Variants in CERT1 observed in about 807,000 individuals in gnomAD.
CERT1 encodes the protein ceramide transporter 1.
Under a neutral mutation model 87.9 loss-of-function variants are expected in CERT1, and 31 were observed. The ratio of observed to expected loss-of-function variants is 0.35; its 90% CI spans 0.27 to 0.48. CERT1 has a LOEUF of 0.48. Among genes scored for constraint, CERT1 ranks in the 20% least tolerant of loss-of-function variants. The pLI is 0.99. For synonymous variants in CERT1, 289 were observed against 250.9 expected, an observed-to-expected ratio of 1.15 and a Z score of -1.44; for missense variants, 487 against 758.0, an observed-to-expected ratio of 0.64 and a Z score of 4.20.
At chr5:75,421,554 A>G (rs1763379149) in intron 5 of CERT1, among the ~76,000 whole-genome samples, 1 of 152,216 alleles carries the variant, frequency 6.6e-6, no homozygotes, top group South Asian at 2.1e-4. Context: ...ACCAGTGAAA[A>G]TACAAAGATG....
chr5:75,510,802 C>T (rs1767922881), intron 1 of CERT1, among the ~76,000 whole-genome samples: 1 of 152,134 alleles, frequency 6.6e-6, no homozygotes, highest in Non-Finnish European at 1.5e-5. Context: ...ACCGCTGAAG[C>T]CCAACCCGGA....
At chr5:75,393,602 TAAAAAAAAA>T (rs60898983) in intron 11 of CERT1, among the ~76,000 whole-genome samples, 1 of 32,754 alleles carries the variant, frequency 3.1e-5, no homozygotes, top group East Asian at 1.1e-3. Context: ...CTCATCTACT[TAAAAAAAAA>T]AAAAAAAAAA....
In CERT1 at chr5:75,461,478, G is replaced by T. The variant is rs920102592; in HGVS notation, c.232-2297C>A. Among the ~76,000 whole-genome samples the T allele has an allele frequency of 1.2e-4, 18 of 151,946 alleles. 1 individual carries two copies. Among genetic ancestry groups the T allele is most frequent in the Admixed American group, 1.2e-3 (18 of 15,258 alleles). On this transcript the variant is annotated intron_variant, in intron 2 of 16. Coordinates refer to ENST00000643780, the MANE Select transcript of CERT1 (RefSeq NM_001379029.1). ...AAAGATTGGGAAATGCTAATCTAAA[G>T]AACCAAATAAAGTAAAGCAGATGAT...
At chr5:75,438,718 C>T (rs1239545439) in intron 3 of CERT1, among the ~76,000 whole-genome samples, 1 of 151,846 alleles carries the variant, frequency 6.6e-6, no homozygotes, top group African/African-American at 2.4e-5. Flanking sequence ...CTTTAAGATC[C>T]CTCATACAAA....
In CERT1 at chr5:75,458,111, C is replaced by T. The variant is rs149877905; in HGVS notation, c.348+954G>A. ...AGCAAAACTTCTCTTAAGTCATACT[C>T]AAGAATGACATGGTGGATTTAGAAC... On this transcript the variant is annotated intron_variant, in intron 3 of 16. Coordinates refer to ENST00000643780, the MANE Select transcript of CERT1 (RefSeq NM_001379029.1). 1.4e-3 allele frequency among the ~76,000 whole-genome samples: 212 copies of T among 152,086 alleles called. 1 individual carries two copies. Among genetic ancestry groups the T allele is most frequent in the African/African-American group, 4.2e-3 (176 of 41,496 alleles).
intron 2 of CERT1, 63 bp downstream of exon 2, chr5:75,505,919 A>G: frequency 7.7e-7 from 1 of 1,305,654 alleles, no homozygotes; most frequent in Non-Finnish European, 1.1e-6. Context: ...CACGTAGAAC[A>G]GTTCCTGGTA....
At chr5:75,474,686 C>T (rs1765879677) in intron 2 of CERT1, among the ~76,000 whole-genome samples, 1 of 151,994 alleles carries the variant, frequency 6.6e-6, no homozygotes, top group Non-Finnish European at 1.5e-5. Context: ...TATCCACATG[C>T]AGAACAATGA....
intron 3 of CERT1, among the ~76,000 whole-genome samples, chr5:75,441,651 AAT>A (rs1303072573): frequency 2.6e-5 from 4 of 152,200 alleles, no homozygotes; most frequent in African/African-American, 9.6e-5. Context: ...CTATGCACCC[AAT>A]ATGAGTGGAA....
intron 3 of CERT1, among the ~76,000 whole-genome samples, chr5:75,429,704 T>A (rs1366969056): frequency 6.6e-6 from 1 of 151,466 alleles, no homozygotes; most frequent in Admixed American, 6.6e-5. Flanking sequence ...AGCAAGTAAA[T>A]CAAAAATAGC....
chr5:75,495,339 T>C (rs545249167), intron 2 of CERT1, among the ~76,000 whole-genome samples: 18 of 152,244 alleles, frequency 1.2e-4, no homozygotes, highest in African/African-American at 4.3e-4. Context: ...GGCAAATTGC[T>C]TGAGTCTAGA....
chr5:75,510,705 C>T (rs771532160), intron 1 of CERT1, among the ~76,000 whole-genome samples: 14 of 152,124 alleles, frequency 9.2e-5, no homozygotes, highest in South Asian at 4.1e-4. Flanking sequence ...GCAGTGCCCC[C>T]CAACCTACTC....
At position 75,511,327 on chromosome 5, in the gene CERT1, T is replaced by G; in HGVS notation, c.-120A>C. 6.5e-7 allele frequency: 1 copy of G among 1,544,726 alleles called. No homozygotes were observed. The highest frequency in any genetic ancestry group is 8.7e-7 in the Non-Finnish European group (1 of 1,145,872). ...GAAGCGAAGAGTGCCCGCTCCGGTGTGGGGGGGAGCAGGAGGAGGGACGAA... is the reference window on the plus strand; with the variant it reads ...GAAGCGAAGAGTGCCCGCTCCGGTGGGGGGGGGAGCAGGAGGAGGGACGAA... On this transcript the variant is annotated 5_prime_UTR_variant, in exon 1 of 17. Coordinates refer to ENST00000643780, the MANE Select transcript of CERT1 (RefSeq NM_001379029.1).
At chr5:75,503,902 AAATG>A (rs1767524386) in intron 2 of CERT1, among the ~76,000 whole-genome samples, 1 of 26,222 alleles carries the variant, frequency 3.8e-5, no homozygotes, top group Non-Finnish European at 8.0e-5. Context: ...CATTTAAATT[AAATG>A]TTTAATTTAA....
chr5:75,494,867 A>G lies in CERT1; in HGVS notation c.231+11115T>C, dbSNP rs547072629. Among the ~76,000 whole-genome samples the G allele has an allele frequency of 1.7e-3, 261 of 152,354 alleles. 5 individuals carry two copies. The highest frequency in any genetic ancestry group is 6.0e-3 in the African/African-American group (251 of 41,576). On this transcript the variant is annotated intron_variant, in intron 2 of 16. Transcript: ENST00000643780. ...AGCCCCATTTCTTTTCTTCATAAGAAGATAAAGTAGATGTACCTTTACCTG... is the reference window on the plus strand; with the variant it reads ...AGCCCCATTTCTTTTCTTCATAAGAGGATAAAGTAGATGTACCTTTACCTG...
chr5:75,432,539 C>T (rs1440658304), intron 3 of CERT1, among the ~76,000 whole-genome samples: 2 of 152,202 alleles, frequency 1.3e-5, no homozygotes, highest in Non-Finnish European at 1.5e-5. Context: ...ATGTCCTTTG[C>T]CCATCGTTTA....
intron 3 of CERT1, among the ~76,000 whole-genome samples, chr5:75,446,729 G>C (rs1764553207): frequency 6.6e-6 from 1 of 152,138 alleles, no homozygotes; most frequent in Non-Finnish European, 1.5e-5. Flanking sequence ...GAAAGGTAAG[G>C]TCTTCTTCGG....
At chr5:75,400,540 T>C (rs1344767656) in intron 9 of CERT1, 2 of 401,948 alleles carry the variant, frequency 5.0e-6, no homozygotes, top group African/African-American at 4.1e-5. Context: ...AGTTCGTTGA[T>C]TTTGCTCCTA....
At chr5:75,483,871 G>A (rs910543600) in intron 2 of CERT1, among the ~76,000 whole-genome samples, 2 of 151,388 alleles carry the variant, frequency 1.3e-5, no homozygotes, top group African/African-American at 4.8e-5. Context: ...AGACATTAAC[G>A]AGCAATAAGA....
chr5:75,387,021 C>A (rs1405769157), intron 12 of CERT1, among the ~76,000 whole-genome samples: 1 of 152,154 alleles, frequency 6.6e-6, no homozygotes, highest in Non-Finnish European at 1.5e-5. Context: ...GCGCCTGCCA[C>A]TACGCCCAGC....
Sources: gnomAD v4.1 joint callset for allele counts (sites outside exome capture counted in the v4.1 genomes callset) on GRCh38, gnomAD v4.1.1 for gene constraint, MANE v1.5 for transcripts, NCBI Gene and HGNC (gene_info 2026-07-23, HGNC 2026-07-21) for gene names.